The following TLL2 variants were observed in gnomAD, a reference collection of about 807,000 sequenced individuals.
TLL2 encodes the protein tolloid like 2.
A neutral mutation model predicts 123.0 loss-of-function variants in TLL2; 106 were observed. That is an observed-to-expected ratio of 0.86 (90% CI 0.74 to 1.01). The LOEUF is 1.01. TLL2 is among the 50% of genes least tolerant of loss of function. The probability of loss-of-function intolerance (pLI) is 0.00; values close to 1 mark genes in which losing one functional copy is unlikely to be tolerated. For missense variants in TLL2, 1,332 were observed against 1,336.7 expected (o/e 1.00, Z 0.06); for synonymous variants, 494 against 516.8 (o/e 0.96, Z 0.60).
Position 96,370,145 on chromosome 10 carries a change from C to G in TLL2, c.2833G>C (p.Asp945His). 2 of 1,614,054 alleles carry G rather than the reference C, an allele frequency of 1.2e-6. No individual in the cohort carries two copies. Among genetic ancestry groups the G allele is most frequent in the South Asian group, 2.2e-5 (2 of 91,052 alleles). ...FRTFEVEEEA[D>H]CGYDYMEAYD... ...GCTTCCATGTAGTCGTAGCCGCAGTCGGCCTCCTCCTCAACCTCAAAGGTC... is the reference window on the plus strand; with the variant it reads ...GCTTCCATGTAGTCGTAGCCGCAGTGGGCCTCCTCCTCAACCTCAAAGGTC... Residue 945 changes from aspartate (D) to histidine (H), a missense_variant, in exon 20 of 21, where the codon GAC becomes CAC. Transcript: ENST00000357947.
At chr10:96,406,509 C>CCCTCCACT (rs942936482) in intron 9 of TLL2, among the ~76,000 whole-genome samples, 63 of 152,232 alleles carry the variant, frequency 4.1e-4, no homozygotes, top group African/African-American at 1.3e-3. Context: ...CACTCACTGC[C>CCCTCCACT]CCTCCACTAG....
In TLL2 at chr10:96,370,126, A is replaced by G. The variant is rs1461359916; in HGVS notation, c.2852T>C (p.Met951Thr). The G allele has an allele frequency of 6.2e-7, 1 of 1,613,786 alleles. No homozygotes were observed. Among genetic ancestry groups the G allele is most frequent in the Non-Finnish European group, 8.5e-7 (1 of 1,179,924 alleles). Residue 951 changes from methionine (M) to threonine (T), a missense_variant, in exon 20 of 21, where the codon ATG (methionine) becomes ACG (threonine). Transcript: ENST00000357947. ...EEEADCGYDY[M>T]EAYDGYDSSA... is the part of the protein sequence containing the mutation. ...GCTGTCGTAGCCGTCGTAGGCTTCC[A>G]TGTAGTCGTAGCCGCAGTCGGCCTC...
At chr10:96,462,377 TCATTA>T (rs763160950) in intron 2 of TLL2, among the ~76,000 whole-genome samples, 6 of 152,258 alleles carry the variant, frequency 3.9e-5, no homozygotes, top group Non-Finnish European at 7.3e-5. Context: ...CTGTCAATTC[TCATTA>T]CTTGAAGTAG....
At chr10:96,486,343 C>A (rs549884225) in intron 1 of TLL2, among the ~76,000 whole-genome samples, 3 of 152,194 alleles carry the variant, frequency 2.0e-5, no homozygotes, top group African/African-American at 7.2e-5. Context: ...ATTTAGAGGT[C>A]CAGGGAGCAT....
At chr10:96,396,219 TA>T (rs141779485) in intron 11 of TLL2, among the ~76,000 whole-genome samples, 199 bp from the exon 12 acceptor site, 18,083 of 152,210 alleles carry the variant, frequency 0.12, 1,264 homozygotes, top group South Asian at 0.19. Context: ...ATTTTTTTCA[TA>T]TAAAGAAAAA....
chr10:96,377,184 G>A (rs944772651), intron 17 of TLL2, among the ~76,000 whole-genome samples: 2 of 152,230 alleles, frequency 1.3e-5, no homozygotes, highest in East Asian at 3.8e-4. Context: ...AAGCTTCGGT[G>A]TCCTTATTTG....
At chr10:96,464,490 C>T (rs1389879772) in intron 2 of TLL2, among the ~76,000 whole-genome samples, 4 of 152,078 alleles carry the variant, frequency 2.6e-5, no homozygotes, top group African/African-American at 9.7e-5. Context: ...CCCCTACACC[C>T]TAGAATGTTG....
In TLL2 at chr10:96,370,310, CGCACTCTGGA is replaced by C. The variant is rs1846070028; in HGVS notation, c.2663-5_2667del. 6.3e-7 allele frequency: 1 copy of C among 1,574,860 alleles called. No homozygotes were observed. The highest frequency in any genetic ancestry group is 1.3e-5 in the African/African-American group (1 of 74,210). ...TGCACTTCAGCCTTCAGCCTGCCCC[CGCACTCTGGA>C]GCAGAGAGAAGTGAGATGTCCCCTC... is the stretch of plus-strand genomic sequence containing the variant. On this transcript the variant is annotated splice_acceptor_variant and splice_polypyrimidine_tract_variant and coding_sequence_variant and intron_variant, in exon 20 of 21. Coordinates refer to ENST00000357947, the MANE Select transcript of TLL2 (RefSeq NM_012465.4). LOFTEE classifies it high-confidence loss of function.
intron 1 of TLL2, among the ~76,000 whole-genome samples, chr10:96,482,577 A>G (rs1847322035): frequency 6.6e-6 from 1 of 152,262 alleles, no homozygotes; most frequent in South Asian, 2.1e-4. Context: ...GTTGCCAAAC[A>G]CTACATATTA....
rs868397545 is a variant in TLL2 at position 96,376,777 on chromosome 10, G to A, written c.2363C>T (p.Ala788Val). 28 of 1,592,774 alleles carry A rather than the reference G, an allele frequency of 1.8e-5. No homozygotes were observed. Among genetic ancestry groups the A allele is most frequent in the Admixed American group, 1.2e-4 (7 of 56,492 alleles). ...HKISSVEGTLASPNWPDKYPS... is the reference protein window; with the variant it reads ...HKISSVEGTLVSPNWPDKYPS... ...GTATTTGTCAGGCCAGTTGGGGCTCGCCAGGGTCCCCTCCACACTGCTGAT... is the reference window on the plus strand; with the variant it reads ...GTATTTGTCAGGCCAGTTGGGGCTCACCAGGGTCCCCTCCACACTGCTGAT... Residue 788 changes from alanine (A) to valine (V), a missense_variant, in exon 18 of 21, where the codon GCG (alanine) becomes GTG (valine). By Grantham distance (64) the Ala-to-Val change is moderately conservative (BLOSUM62 0). Coordinates refer to ENST00000357947, the MANE Select transcript of TLL2 (RefSeq NM_012465.4).
At chr10:96,464,266 C>A (rs912989696) in intron 2 of TLL2, among the ~76,000 whole-genome samples, 1 of 151,972 alleles carries the variant, frequency 6.6e-6, no homozygotes, top group Non-Finnish European at 1.5e-5. Flanking sequence ...CACCTGTAAT[C>A]CCAGCTACTT....
intron 7 of TLL2, among the ~76,000 whole-genome samples, chr10:96,414,888 G>C (rs1486509439): frequency 6.6e-6 from 1 of 151,980 alleles, no homozygotes; most frequent in African/African-American, 2.4e-5. Context: ...TGCACCCCTT[G>C]AACCCATACC....
intron 1 of TLL2, among the ~76,000 whole-genome samples, chr10:96,489,134 T>C (rs1847386865): frequency 6.6e-6 from 1 of 152,192 alleles, no homozygotes; most frequent in Non-Finnish European, 1.5e-5. Context: ...ATCCTTGCCT[T>C]CCTCATTAAG....
rs1554939631 is a variant in TLL2, at chr10:96,476,241, T to TATATATATATATATATATATTC, written c.286+4107_286+4108insGAATATATATATATATATATAT. Among the ~76,000 whole-genome samples, 224 of 71,682 alleles carry TATATATATATATATATATATTC rather than the reference T, an allele frequency of 3.1e-3. 17 individuals carry two copies. Among genetic ancestry groups the TATATATATATATATATATATTC allele is most frequent in the South Asian group, 6.2e-3 (12 of 1,950 alleles). The allele number at this position is 71,682 out of a possible 152,430, so 47.0% of individuals were successfully genotyped here. ...TTATATGTATATATATATATATATA[T>TATATATATATATATATATATTC]TTTATTTTTGTTGTTGTTGTTGTTG... On this transcript the variant is annotated intron_variant, in intron 2 of 20. Transcript: ENST00000357947.
intron 13 of TLL2, among the ~76,000 whole-genome samples, chr10:96,389,879 C>T (rs1010543568): frequency 1.3e-5 from 2 of 152,262 alleles, no homozygotes; most frequent in Admixed American, 1.3e-4. Flanking sequence ...CATGCTTTTA[C>T]ACCTGAGCTC....
At chr10:96,403,762 C>T (rs148238838) in intron 10 of TLL2, among the ~76,000 whole-genome samples, 7,103 of 122,594 alleles carry the variant, frequency 0.058, 425 homozygotes, top group African/African-American at 0.15. Flanking sequence ...GACCACTGTC[C>T]CCTGCCTGCC....
rs1210970430 is a variant in TLL2 at position 96,506,251 on chromosome 10, C to CAAAAAAAAAAAAAAAA, written c.175+7259_175+7260insTTTTTTTTTTTTTTTT. 4.4e-4 allele frequency among the ~76,000 whole-genome samples: 16 copies of CAAAAAAAAAAAAAAAA among 36,740 alleles called. 1 individual carries two copies. The highest frequency in any genetic ancestry group is 1.2e-3 in the African/African-American group (11 of 9,016). The allele number at this position is 36,740 out of a possible 152,430, so 24.1% of individuals were successfully genotyped here. Reference sequence around the variant, plus strand: ...TGGATGACAGAGCGAGACCCCATCTCAAAAAAAAAAAAAAGAAAAAAAAAA... The same window carrying CAAAAAAAAAAAAAAAA: ...TGGATGACAGAGCGAGACCCCATCTCAAAAAAAAAAAAAAAAAAAAAAAAAAAAAAGAAAAAAAAAA... On this transcript the variant is annotated intron_variant, in intron 1 of 20. Coordinates refer to ENST00000357947, the MANE Select transcript of TLL2 (RefSeq NM_012465.4).
At chr10:96,428,133 T>C (rs558255184) in intron 5 of TLL2, among the ~76,000 whole-genome samples, 7 of 152,296 alleles carry the variant, frequency 4.6e-5, no homozygotes, top group Non-Finnish European at 8.8e-5. Context: ...AGCTTTTCAG[T>C]AGGAAAGTAT....
At position 96,368,163 on chromosome 10, in the gene TLL2, G is replaced by GTCA. The variant is rs766658292; in HGVS notation, c.2970_2972dup (p.Asp991dup). 6.5e-5 allele frequency: 105 copies of GTCA among 1,614,118 alleles called. No homozygotes were observed. Among genetic ancestry groups the GTCA allele is most frequent in the Middle Eastern group, 1.6e-4 (1 of 6,084 alleles). ...CATGAAAGCCTTTCTTGTTGATGGT[G>GTCA]TCATCTGTGCGGAATCGAATCATCA... On this transcript the variant is annotated inframe_insertion, in exon 21 of 21. Transcript: ENST00000357947.
Sources: allele counts gnomAD v4.1 joint callset (sites outside exome capture counted in the v4.1 genomes callset), GRCh38; gene constraint gnomAD v4.1.1; transcripts MANE v1.5; gene names NCBI Gene and HGNC (gene_info 2026-07-23, HGNC 2026-07-21).